Variants in SPEG observed in about 807,000 individuals in gnomAD.
SPEG encodes striated muscle enriched protein kinase, also known as striated muscle preferentially expressed protein kinase.
A neutral mutation model predicts 300.4 loss-of-function variants in SPEG; 114 were observed. That is an observed-to-expected ratio of 0.38 (90% CI 0.33 to 0.44). The LOEUF is 0.44. SPEG is among the 20% of genes least tolerant of loss of function. The pLI is 1.00. For synonymous variants in SPEG, 1,964 were observed against 2,018.9 expected, an observed-to-expected ratio of 0.97 and a Z score of 0.73; for missense variants, 4,201 against 4,586.2, an observed-to-expected ratio of 0.92 and a Z score of 2.43.
rs1427924561 is a variant in SPEG at position 219,464,260 on chromosome 2, G to C, written c.2706-173G>C. On this transcript the variant is annotated intron_variant, in intron 8 of 40. Transcript: ENST00000312358. The surrounding 1 kb of genome is among the most constrained non-coding windows in gnomAD (Gnocchi z 4.5). ...CTAGAGGTGGGTGGGATGGCAGAGT[G>C]GGGGTAAAAACCTAGCCCTGGAAAC... 1.3e-5 allele frequency among the ~76,000 whole-genome samples: 2 copies of C among 152,188 alleles called. No individual in the cohort carries two copies. The highest frequency in any genetic ancestry group is 2.9e-5 in the Non-Finnish European group (2 of 68,040).
chr2:219,434,865 G>A lies in SPEG; in HGVS notation c.-113G>A. On this transcript the variant is annotated 5_prime_UTR_variant, in exon 1 of 41. Coordinates refer to ENST00000312358, the MANE Select transcript of SPEG (RefSeq NM_005876.5). ...GGTAGCACAGGCCGAAGGCGGGCGG[G>A]CAGCAGGAAGGCAGGCCGCCGGCCC... is the stretch of plus-strand genomic sequence containing the variant. 1.5e-6 allele frequency: 1 copy of A among 678,518 alleles called. No homozygotes were observed. Among genetic ancestry groups the A allele is most frequent in the Non-Finnish European group, 2.3e-6 (1 of 437,404 alleles). The allele number at this position is 678,518 out of a possible 1,614,324, so 42.0% of individuals were successfully genotyped here.
chr2:219,464,840 C>T lies in SPEG; in HGVS notation c.2881+232C>T. The stretch of plus-strand genomic sequence containing the variant: ...GTGCTCAGCTTACTACACAACACCA[C>T]CTTCCCTGTTGCTCCATCACGGAGC... On this transcript the variant is annotated intron_variant, in intron 9 of 40. Coordinates refer to ENST00000312358, the MANE Select transcript of SPEG (RefSeq NM_005876.5). This position sits in a 1 kb window ranked among gnomAD's most constrained non-coding sequence, Gnocchi z 4.5. The T allele has an allele frequency of 1.9e-6, 1 of 522,428 alleles. No homozygotes were observed. The highest frequency in any genetic ancestry group is 3.4e-6 in the Non-Finnish European group (1 of 293,750). The allele number at this position is 522,428 out of a possible 1,614,324, so 32.4% of individuals were successfully genotyped here.
intron 38 of SPEG, 80 bp from the exon 39 acceptor site, chr2:219,491,714 T>A: frequency 9.0e-7 from 1 of 1,111,636 alleles, no homozygotes; most frequent in Non-Finnish European, 1.3e-6. Context: ...GTCCTGCTGC[T>A]CAAGCACCCA....
At position 219,468,941 on chromosome 2, in the gene SPEG, C is replaced by T. The variant is rs753362416; in HGVS notation, c.3384C>T (p.Ser1128=). ...CACTGCACATTGCCCATGTGGGCAG[C>T]GAGGACGAGGGGCTCTATGCGGTCA... ...LHSLHIAHVG[S]EDEGLYAVSA... The change falls in exon 12 of 41, where the codon AGC becomes AGT. Residue 1128 remains serine (S), a synonymous_variant. Transcript: ENST00000312358. 5.0e-5 allele frequency: 81 copies of T among 1,613,804 alleles called. No individual in the cohort carries two copies. Among genetic ancestry groups the T allele is most frequent in the Non-Finnish European group, 6.0e-5 (71 of 1,179,982 alleles).
At position 219,485,065 on chromosome 2, in the gene SPEG, C is replaced by T; in HGVS notation, c.7602C>T (p.Gly2534=). ...GCTCCGAGGCCAGCGCCACGTCGGGCTCCTCAGGTGAGGAGGGGCAGGGGT... is the reference window on the plus strand; with the variant it reads ...GCTCCGAGGCCAGCGCCACGTCGGGTTCCTCAGGTGAGGAGGGGCAGGGGT... ...SLGSEASATS[G]SSAPGESRSR... is the part of the protein sequence containing the mutation. The change falls in exon 30 of 41, where the codon GGC becomes GGT. Residue 2534 remains glycine, a synonymous_variant. Transcript: ENST00000312358. 4 of 1,532,494 alleles carry T rather than the reference C, an allele frequency of 2.6e-6. No individual in the cohort carries two copies. Among genetic ancestry groups the T allele is most frequent in the Admixed American group, 2.0e-5 (1 of 50,876 alleles). 94.9% of individuals were successfully genotyped at this position (1,532,494 alleles called of 1,614,324 possible). A position where few individuals can be genotyped will look rare whatever the true frequency, so the allele number is the denominator to read the frequency against.
At chr2:219,463,391 G>GTTTTTTTTT (rs1690924244) in intron 8 of SPEG, among the ~76,000 whole-genome samples, 1 of 60,604 alleles carries the variant, frequency 1.7e-5, no homozygotes, top group Non-Finnish European at 3.1e-5. Context: ...TCCCCACTGT[G>GTTTTTTTTT]ATTTTTTTTT....
chr2:219,459,639 C>G lies in SPEG; in HGVS notation c.2441-2243C>G, dbSNP rs541352438. Among the ~76,000 whole-genome samples, 5 of 152,202 alleles carry G rather than the reference C, an allele frequency of 3.3e-5. No homozygotes were observed. The highest frequency in any genetic ancestry group is 2.6e-4 in the Admixed American group (4 of 15,292). On this transcript the variant is annotated intron_variant, in intron 6 of 40. Transcript: ENST00000312358. This position sits in a 1 kb window ranked among gnomAD's most constrained non-coding sequence, Gnocchi z 4.9. ...ACCATCTGGCCTTCAGCTCTGCTTCCGTTCCCAGTCCCTGGGCCCGTGAGC... is the reference window on the plus strand; with the variant it reads ...ACCATCTGGCCTTCAGCTCTGCTTCGGTTCCCAGTCCCTGGGCCCGTGAGC...
chr2:219,485,505 C>T (rs1380173679), intron 31 of SPEG, 28 bp downstream of exon 31: 22 of 1,514,610 alleles, frequency 1.5e-5, no homozygotes, highest in Non-Finnish European at 1.8e-5. Flanking sequence ...GGGTGAGGAC[C>T]CTCCTCCCCT....
In SPEG at chr2:219,458,402, T is replaced by G. The variant is rs1286257643; in HGVS notation, c.2441-3480T>G. 6.6e-6 allele frequency among the ~76,000 whole-genome samples: 1 copy of G among 152,052 alleles called. No individual in the cohort carries two copies. The highest frequency in any genetic ancestry group is 2.4e-5 in the African/African-American group (1 of 41,390). On this transcript the variant is annotated intron_variant, in intron 6 of 40. Transcript: ENST00000312358. This position sits in a 1 kb window ranked among gnomAD's most constrained non-coding sequence, Gnocchi z 4.2. ...TGTGTTAGAAATGCAGTTTCTTTTT[T>G]TTTTTTTCCCAATAAGCGTTTTGCA...
Position 219,464,858 on chromosome 2 carries a change from C to G in SPEG, c.2881+250C>G, listed in dbSNP as rs1029394104. The stretch of plus-strand genomic sequence containing the variant: ...AACACCACCTTCCCTGTTGCTCCAT[C>G]ACGGAGCCCTGGCGGCAGCCAGAGA... On this transcript the variant is annotated intron_variant, in intron 9 of 40. Transcript: ENST00000312358. This position sits in a 1 kb window ranked among gnomAD's most constrained non-coding sequence, Gnocchi z 4.5. The G allele has an allele frequency of 6.2e-6, 3 of 485,666 alleles. No homozygotes were observed. The highest frequency in any genetic ancestry group is 2.0e-5 in the African/African-American group (1 of 51,078). 30.1% of individuals were successfully genotyped at this position (485,666 alleles called of 1,614,324 possible).
Position 219,479,839 on chromosome 2 carries a change from C to G in SPEG, c.5142C>G (p.His1714Gln), listed in dbSNP as rs368444908. Residue 1714 changes from histidine (H) to glutamine (Q), a missense_variant, in exon 24 of 41, where the codon CAC becomes CAG. Physicochemically the swap from His to Gln is conservative, Grantham distance 24. Coordinates refer to ENST00000312358, the MANE Select transcript of SPEG (RefSeq NM_005876.5). This position sits in a 1 kb window ranked among gnomAD's most constrained non-coding sequence, Gnocchi z 5.5. ...LEGIHYLHQS[H>Q]VLHLDVKPEN... Reference sequence around the variant, plus strand: ...GAATACACTACCTGCACCAGAGCCACGTGCTGCACCTCGATGTCAAGGTGA... The same window carrying G: ...GAATACACTACCTGCACCAGAGCCAGGTGCTGCACCTCGATGTCAAGGTGA... 2 of 1,614,084 alleles carry G rather than the reference C, an allele frequency of 1.2e-6. No individual in the cohort carries two copies. The highest frequency in any genetic ancestry group is 3.3e-5 in the Admixed American group (2 of 60,020).
Position 219,481,965 on chromosome 2 carries a change from C to T in SPEG, c.5565+285C>T. The T allele has an allele frequency of 3.6e-6, 2 of 559,458 alleles. No individual in the cohort carries two copies. The highest frequency in any genetic ancestry group is 2.1e-5 in the South Asian group (1 of 47,802). 34.7% of individuals were successfully genotyped at this position (559,458 alleles called of 1,614,324 possible). Reference sequence around the variant, plus strand: ...CTGGGCGTCCTCAGTGGAGTTCTCCCCCATGCTTGAGACCAGACCCTGGTC... The same window carrying T: ...CTGGGCGTCCTCAGTGGAGTTCTCCTCCATGCTTGAGACCAGACCCTGGTC... On this transcript the variant is annotated intron_variant, in intron 28 of 40. Transcript: ENST00000312358. The surrounding 1 kb of genome is among the most constrained non-coding windows in gnomAD (Gnocchi z 5.4).
chr2:219,484,639 C>T lies in SPEG; in HGVS notation c.7176C>T (p.Arg2392=). 2 of 1,539,426 alleles carry T rather than the reference C, an allele frequency of 1.3e-6. No homozygotes were observed. Among genetic ancestry groups the T allele is most frequent in the South Asian group, 2.4e-5 (2 of 84,422 alleles). ...TGGTGCGACGGCCTGAGCGCTCACG[C>T]TCGGTGCAGGACCTCAGGGCTGTCG... The part of the protein sequence containing the change: ...LELVRRPERS[R]SVQDLRAVGE... The change falls in exon 30 of 41, where the codon CGC becomes CGT. Residue 2392 remains arginine (R), a synonymous_variant. Transcript: ENST00000312358.
chr2:219,488,132 C>T, intron 31 of SPEG, 62 bp from the exon 32 acceptor site: 1 of 1,076,652 alleles, frequency 9.3e-7, no homozygotes, highest in Non-Finnish European at 1.4e-6. Context: ...CTCCACCCCT[C>T]CCTCAGCAGT....
Position 219,477,203 on chromosome 2 carries a change from G to C in SPEG, c.4561-74G>C. ...CCTGGTGAGAGATGCGCTGCCCAGA[G>C]TAGGAGATGAGGCCCTGGCCCCAAG... is the stretch of plus-strand genomic sequence containing the variant. On this transcript the variant is annotated intron_variant, in intron 19 of 40. Coordinates refer to ENST00000312358, the MANE Select transcript of SPEG (RefSeq NM_005876.5). The surrounding 1 kb of genome is among the most constrained non-coding windows in gnomAD (Gnocchi z 6.4). 4.6e-6 allele frequency: 1 copy of C among 218,064 alleles called. No individual in the cohort carries two copies. Among genetic ancestry groups the C allele is most frequent in the East Asian group, 1.0e-4 (1 of 9,852 alleles). 13.5% of individuals were successfully genotyped at this position (218,064 alleles called of 1,614,324 possible).
In SPEG at chr2:219,479,582, A is replaced by C. The variant is rs372810885; in HGVS notation, c.5086-201A>C. ...TGCACAATTCTACTTATTACCACGCAATGGCTCCTCCCTATAATTGTGCTG... is the reference window on the plus strand; with the variant it reads ...TGCACAATTCTACTTATTACCACGCCATGGCTCCTCCCTATAATTGTGCTG... On this transcript the variant is annotated intron_variant, in intron 23 of 40. Transcript: ENST00000312358. The surrounding 1 kb of genome is among the most constrained non-coding windows in gnomAD (Gnocchi z 5.5). Among the ~76,000 whole-genome samples the C allele has an allele frequency of 3.0e-4, 46 of 152,252 alleles. No individual in the cohort carries two copies. Among genetic ancestry groups the C allele is most frequent in the African/African-American group, 1.1e-3 (46 of 41,544 alleles).
chr2:219,451,267 C>T lies in SPEG; in HGVS notation c.2245C>T (p.Pro749Ser), dbSNP rs1347181252. Residue 749 changes from proline to serine, a missense_variant, in exon 5 of 41, where the codon CCC becomes TCC. By Grantham distance (74) the Pro-to-Ser change is moderately conservative. Transcript: ENST00000312358. The surrounding 1 kb of genome is among the most constrained non-coding windows in gnomAD (Gnocchi z 6.4). The part of the protein sequence containing the change: ...VLLKCIITAN[P>S]PPQVSWHKDG... ...GCTCAAGTGTATCATCACTGCCAAC[C>T]CCCCGCCCCAAGGTGAGCTCCAGCA... 3.7e-6 allele frequency: 6 copies of T among 1,609,432 alleles called. No individual in the cohort carries two copies. Among genetic ancestry groups the T allele is most frequent in the Middle Eastern group, 1.7e-4 (1 of 5,974 alleles).
intron 9 of SPEG, chr2:219,466,716 T>A (rs1691394354): frequency 7.1e-5 from 71 of 999,674 alleles, no homozygotes; most frequent in Non-Finnish European, 8.5e-5. Flanking sequence ...GCCCCCTCCT[T>A]CTCTGTCAGG....
rs1693193786 is a variant in SPEG, at chr2:219,484,509, T to G, written c.7046T>G (p.Leu2349Arg). ...CGCGAGTCGCCCCTGTCGCTGGGGC[T>G]GCGGCTGCTGAGCCGTTCGCGCTCG... is the stretch of plus-strand genomic sequence containing the variant. ...RSRESPLSLG[L>R]RLLSRSRSEE... The change falls in exon 30 of 41, where the codon CTG becomes CGG. Residue 2349 changes from leucine (L) to arginine (R), a missense_variant. Physicochemically the swap from Leu to Arg is moderately radical, Grantham distance 102. Transcript: ENST00000312358. 2 of 1,603,818 alleles carry G rather than the reference T, an allele frequency of 1.2e-6. No individual in the cohort carries two copies. The highest frequency in any genetic ancestry group is 1.7e-6 in the Non-Finnish European group (2 of 1,177,402).
Sources: gnomAD v4.1 joint callset for allele counts (sites outside exome capture counted in the v4.1 genomes callset) on GRCh38, gnomAD v4.1.1 for gene constraint, Gnocchi (gnomAD v3.1) non-coding constraint, MANE v1.5 for transcripts, NCBI Gene and HGNC (gene_info 2026-07-23, HGNC 2026-07-21) for gene names.